Variants in RANBP2 observed in about 807,000 individuals in gnomAD.
The protein encoded by RANBP2 is RAN binding protein 2.
In RANBP2, 57 loss-of-function variants were observed where a neutral mutation model predicts 303.6. The observed-to-expected ratio is 0.19, with a 90% CI of 0.15 to 0.23. The LOEUF (loss-of-function observed/expected upper bound fraction) is 0.23. Among genes scored for constraint, RANBP2 ranks in the 10% least tolerant of loss-of-function variants. The pLI is 1.00. For synonymous variants in RANBP2, 1,167 were observed against 1,301.5 expected, an observed-to-expected ratio of 0.90 and a Z score of 2.23; for missense variants, 3,138 against 3,780.8, an observed-to-expected ratio of 0.83 and a Z score of 4.46.
At chr2:109,099,088 C>G in the RANBP2 span, among the ~76,000 whole-genome samples, 1 of 152,122 alleles carries the variant, frequency 6.6e-6, no homozygotes. Context: ...GAGAAAGGAA[C>G]GAGTGGAACA....
At chr2:108,794,603 A>T in the RANBP2 span, 10 of 1,613,838 alleles carry the variant, frequency 6.2e-6, no homozygotes, top group African/African-American at 1.3e-5. Context: ...GATGCAGGTG[A>T]CTCTCCTTTG....
chr2:109,146,881 T>TTCCC, the RANBP2 span, among the ~76,000 whole-genome samples: 1 of 7,812 alleles, frequency 1.3e-4, no homozygotes. Context: ...TCTTCTTTTT[T>TTCCC]CCCTCCCCCC....
the RANBP2 span, among the ~76,000 whole-genome samples, chr2:109,058,745 TGATTGGGGTGCTGAGAG>T: frequency 7.9e-5 from 12 of 152,020 alleles, no homozygotes; most frequent in Non-Finnish European, 1.5e-4. Context: ...AGAGTGGAAT[TGATTGGGGTGCTGAGAG>T]GAGACGGGCA....
At chr2:109,535,758 T>C in the RANBP2 span, among the ~76,000 whole-genome samples, 1 of 151,990 alleles carries the variant, frequency 6.6e-6, no homozygotes, top group Non-Finnish European at 1.5e-5. Flanking sequence ...ACAATTAGCA[T>C]AGGTATGTGG....
the RANBP2 span, among the ~76,000 whole-genome samples, chr2:109,277,774 T>G: frequency 6.6e-6 from 1 of 152,158 alleles, no homozygotes; most frequent in African/African-American, 2.4e-5. Context: ...TGGGAAATGA[T>G]TACTTGGAAA....
the RANBP2 span, among the ~76,000 whole-genome samples, chr2:108,979,934 A>G: frequency 2.6e-5 from 4 of 152,158 alleles, no homozygotes; most frequent in Admixed American, 2.6e-4. Context: ...CTGTGGCTCT[A>G]TTATCCTGGC....
the RANBP2 span, among the ~76,000 whole-genome samples, chr2:109,146,237 G>C: frequency 6.6e-6 from 1 of 152,132 alleles, no homozygotes; most frequent in Non-Finnish European, 1.5e-5. Context: ...CTTAGTTCTG[G>C]CTGCTCTTAT....
chr2:108,937,869 G>T, the RANBP2 span, among the ~76,000 whole-genome samples: 1 of 152,214 alleles, frequency 6.6e-6, no homozygotes, highest in Non-Finnish European at 1.5e-5. Context: ...CTGAGCCCTC[G>T]GGTGGGGCCT....
the RANBP2 span, among the ~76,000 whole-genome samples, chr2:109,119,335 G>A: frequency 7.9e-5 from 12 of 152,320 alleles, no homozygotes; most frequent in East Asian, 1.9e-4. Flanking sequence ...CTCTTCCCCC[G>A]AGGTTGGTTA....
At chr2:108,850,733 G>C in the RANBP2 span, among the ~76,000 whole-genome samples, 1 of 152,164 alleles carries the variant, frequency 6.6e-6, no homozygotes, top group South Asian at 2.1e-4. Context: ...TTACAGGCGT[G>C]AGCCACTGCG....
chr2:108,727,854 C>T (rs1483801868), intron 1 of RANBP2, among the ~76,000 whole-genome samples: 3 of 152,232 alleles, frequency 2.0e-5, no homozygotes, highest in Non-Finnish European at 4.4e-5. Flanking sequence ...CCGCCCGCCT[C>T]GGTCTCCGAA....
the RANBP2 span, among the ~76,000 whole-genome samples, chr2:108,823,983 A>G: frequency 6.6e-6 from 1 of 151,040 alleles, no homozygotes; most frequent in African/African-American, 2.4e-5. Context: ...TCAAAAGAAA[A>G]AAAAGGGAGG....
chr2:109,296,041 T>C, the RANBP2 span, among the ~76,000 whole-genome samples: 4 of 152,082 alleles, frequency 2.6e-5, no homozygotes, highest in African/African-American at 9.7e-5. Flanking sequence ...GGTGCTGTAA[T>C]GAAGTTTCCT....
downstream of RANBP2, chr2:108,788,974 A>C: frequency 6.2e-7 from 1 of 1,613,378 alleles, no homozygotes; most frequent in Non-Finnish European, 8.5e-7. Flanking sequence ...TTGGTAAAGT[A>C]CCCTGAAACT....
At chr2:109,733,147 T>G in the RANBP2 span, 1 of 507,216 alleles carries the variant, frequency 2.0e-6, no homozygotes, top group African/African-American at 2.0e-5. Context: ...CACCTGATCC[T>G]TCTCTAGGTT....
At chr2:108,887,070 T>G in the RANBP2 span, among the ~76,000 whole-genome samples, 1 of 152,182 alleles carries the variant, frequency 6.6e-6, no homozygotes, top group African/African-American at 2.4e-5. Flanking sequence ...TGATGAGAGA[T>G]AGGGGTCCAT....
chr2:109,604,392 G>GGAGGGGAGGGGAGGGGAGGA, the RANBP2 span, among the ~76,000 whole-genome samples: 1 of 128,798 alleles, frequency 7.8e-6, no homozygotes, highest in Non-Finnish European at 1.7e-5. Context: ...GAAGGGGAGG[G>GGAGGGGAGGGGAGGGGAGGA]GCGGGGCGGG....
chr2:109,518,533 G>C, the RANBP2 span, among the ~76,000 whole-genome samples: 3 of 152,184 alleles, frequency 2.0e-5, no homozygotes, highest in Non-Finnish European at 4.4e-5. Flanking sequence ...CCAACAGGGG[G>C]CATCTGCTCT....
chr2:109,131,566 C>T, the RANBP2 span, among the ~76,000 whole-genome samples: 2 of 152,090 alleles, frequency 1.3e-5, no homozygotes, highest in African/African-American at 2.4e-5. Flanking sequence ...TTACAGATGT[C>T]CTCTCAGTTT....
Sources: gnomAD v4.1 joint callset for allele counts (sites outside exome capture counted in the v4.1 genomes callset) on GRCh38, gnomAD v4.1.1 for gene constraint, MANE v1.5 for transcripts, NCBI Gene and HGNC (gene_info 2026-07-23, HGNC 2026-07-21) for gene names.